Variants in ZBTB21 observed in about 807,000 individuals in gnomAD.
ZBTB21 encodes the protein zinc finger and BTB domain-containing protein 21.
In ZBTB21, 10 loss-of-function variants were observed where a neutral mutation model predicts 39.8. The ratio of observed to expected loss-of-function variants is 0.25; its 90% CI spans 0.16 to 0.43. The LOEUF is 0.43. Among genes scored for constraint, ZBTB21 ranks in the 20% least tolerant of loss-of-function variants. ZBTB21 has a pLI of 1.00. For missense variants in ZBTB21, 1,221 were observed against 1,296.3 expected, an observed-to-expected ratio of 0.94 and a Z score of 0.89; for synonymous variants, 551 against 498.8, an observed-to-expected ratio of 1.10 and a Z score of -1.40.
At position 41,992,725 on chromosome 21, in the gene ZBTB21, G is replaced by C; in HGVS notation, c.1371C>G (p.Ala457=). ...GGTCTCTTGTGACCGACGAAGATGA[G>C]GCAGCTGCTGTTGTTGCCGCATCTC... ...TVGDAATTAA[A]SSSSVTRDLS... is the part of the protein sequence containing the mutation. The change falls in exon 3 of 3, where the codon GCC becomes GCG. Residue 457 remains alanine (A), a synonymous_variant. Coordinates refer to ENST00000310826, the MANE Select transcript of ZBTB21 (RefSeq NM_001098402.2). This position sits in a 1 kb window ranked among gnomAD's most constrained non-coding sequence, Gnocchi z 4.1. 1 of 1,614,164 alleles carries C rather than the reference G, an allele frequency of 6.2e-7. No homozygotes were observed. The highest frequency in any genetic ancestry group is 1.1e-5 in the South Asian group (1 of 91,084).
Position 41,992,402 on chromosome 21 carries a change from A to C in ZBTB21, c.1694T>G (p.Val565Gly). 1 of 1,614,202 alleles carries C rather than the reference A, an allele frequency of 6.2e-7. No homozygotes were observed. Among genetic ancestry groups the C allele is most frequent in the Non-Finnish European group, 8.5e-7 (1 of 1,180,030 alleles). ...FRSTAGLHRH[V>G]NMYHNPEKPY... ...CTTTTCTGGGTTATGGTACATGTTA[A>C]CATGACGGTGAAGACCTGCTGTTGA... is the stretch of plus-strand genomic sequence containing the variant. Residue 565 changes from valine (V) to glycine (G), a missense_variant, in exon 3 of 3, where the codon GTT becomes GGT. Physicochemically the swap from Val to Gly is moderately radical, Grantham distance 109. Coordinates refer to ENST00000310826, the MANE Select transcript of ZBTB21 (RefSeq NM_001098402.2). This position sits in a 1 kb window ranked among gnomAD's most constrained non-coding sequence, Gnocchi z 4.1.
chr21:42,010,193 T>C (rs2065945010), intron 1 of ZBTB21, 59 bp downstream of exon 1: 2 of 394,728 alleles, frequency 5.1e-6, no homozygotes, highest in Admixed American at 4.4e-5. Flanking sequence ...GCGGGGAGGC[T>C]GTAGCCTCCC....
chr21:41,991,410 C>G lies in ZBTB21; in HGVS notation c.2686G>C (p.Ala896Pro). 2 of 1,609,676 alleles carry G rather than the reference C, an allele frequency of 1.2e-6. No homozygotes were observed. The highest frequency in any genetic ancestry group is 1.7e-6 in the Non-Finnish European group (2 of 1,178,260). ...TTGCTAGGACCCGCTTCTTTGGGGG[C>G]TGTGCTGGCCTCGGGTGCCTCTTCT... ...AEEEAPEAST[A>P]PKEAGPSKEA... is the part of the protein sequence containing the mutation. The change falls in exon 3 of 3, where the codon GCC becomes CCC. Residue 896 changes from alanine to proline, a missense_variant. Physicochemically the swap from Ala to Pro is conservative, Grantham distance 27. Transcript: ENST00000310826. The surrounding 1 kb of genome is among the most constrained non-coding windows in gnomAD (Gnocchi z 4.9).
chr21:42,007,620 A>G (rs548258562), intron 1 of ZBTB21, among the ~76,000 whole-genome samples: 110 of 152,304 alleles, frequency 7.2e-4, no homozygotes, highest in Middle Eastern at 3.4e-3. Context: ...AACTACCACA[A>G]TACTTCATCT....
At position 41,997,923 on chromosome 21, in the gene ZBTB21, A is replaced by G. The variant is rs137855149; in HGVS notation, c.-13-3815T>C. Among the ~76,000 whole-genome samples the G allele has an allele frequency of 2.5e-3, 376 of 151,882 alleles. 4 individuals carry two copies. Among genetic ancestry groups the G allele is most frequent in the African/African-American group, 8.7e-3 (361 of 41,410 alleles). On this transcript the variant is annotated intron_variant, in intron 2 of 2. Coordinates refer to ENST00000310826, the MANE Select transcript of ZBTB21 (RefSeq NM_001098402.2). ...TTCTGTTAGCCTCTCGGTGTGGCAG[A>G]TCCCTCACCTGAGTTAGGAATGACA...
At chr21:42,003,180 C>T (rs2065838364) in intron 1 of ZBTB21, among the ~76,000 whole-genome samples, 1 of 152,228 alleles carries the variant, frequency 6.6e-6, no homozygotes, top group African/African-American at 2.4e-5. Flanking sequence ...TTATGAAGGA[C>T]AGAAGAGGCA....
Position 41,991,090 on chromosome 21 carries a change from G to A in ZBTB21, c.3006C>T (p.Asp1002=), listed in dbSNP as rs770013148. The part of the protein sequence containing the change: ...PLPKIQPLEP[D]SPTGLSENPT... ...GGTTTTCGGACAGGCCTGTGGGGCT[G>A]TCAGGCTCCAGAGGCTGGATCTTGG... The change falls in exon 3 of 3, where the codon GAC becomes GAT. Residue 1002 remains aspartate (D), a synonymous_variant. Coordinates refer to ENST00000310826, the MANE Select transcript of ZBTB21 (RefSeq NM_001098402.2). This position sits in a 1 kb window ranked among gnomAD's most constrained non-coding sequence, Gnocchi z 4.9. The A allele has an allele frequency of 8.7e-6, 14 of 1,611,870 alleles. No homozygotes were observed. Among genetic ancestry groups the A allele is most frequent in the Non-Finnish European group, 1.2e-5 (14 of 1,178,908 alleles).
intron 2 of ZBTB21, among the ~76,000 whole-genome samples, chr21:42,000,455 A>G (rs1347261443): frequency 6.6e-6 from 1 of 152,068 alleles, no homozygotes; most frequent in African/African-American, 2.4e-5. Flanking sequence ...ACGGCTAACC[A>G]CTTCACACTA....
chr21:41,994,697 G>A (rs1371585911), intron 2 of ZBTB21, among the ~76,000 whole-genome samples: 1 of 152,168 alleles, frequency 6.6e-6, no homozygotes, highest in Non-Finnish European at 1.5e-5. Context: ...CTGGGCTCAA[G>A]CAATCCTCCC....
At chr21:42,002,615 C>T (rs1040054538) in intron 2 of ZBTB21, 4 of 152,208 alleles carry the variant, frequency 2.6e-5, no homozygotes, top group Admixed American at 2.0e-4. Flanking sequence ...TGCAGGTTTT[C>T]ATTATGAGTA....
At chr21:42,009,655 G>T in intron 1 of ZBTB21, 1 of 153,164 alleles carries the variant, frequency 6.5e-6, no homozygotes, top group South Asian at 1.8e-4. Flanking sequence ...GCCGGGGGCG[G>T]GGAGGGAGCG....
chr21:41,992,766 T>C lies in ZBTB21; in HGVS notation c.1330A>G (p.Ile444Val), dbSNP rs1601634294. 6.2e-7 allele frequency: 1 copy of C among 1,614,172 alleles called. No homozygotes were observed. Among genetic ancestry groups the C allele is most frequent in the East Asian group, 2.2e-5 (1 of 44,886 alleles). ...GCCGCATCTCCCACAGTGACGCGGATGATGTCCGAGGGGTCCGACAGCGGG... is the reference window on the plus strand; with the variant it reads ...GCCGCATCTCCCACAGTGACGCGGACGATGTCCGAGGGGTCCGACAGCGGG... ...SSPLSDPSDIIRVTVGDAATT... is the reference protein window; with the variant it reads ...SSPLSDPSDIVRVTVGDAATT... The change falls in exon 3 of 3, where the codon ATC becomes GTC. Residue 444 changes from isoleucine to valine, a missense_variant. Physicochemically the swap from Ile to Val is conservative, Grantham distance 29 (BLOSUM62 3). Coordinates refer to ENST00000310826, the MANE Select transcript of ZBTB21 (RefSeq NM_001098402.2). This position sits in a 1 kb window ranked among gnomAD's most constrained non-coding sequence, Gnocchi z 4.1.
At chr21:41,998,312 C>G (rs9975307) in intron 2 of ZBTB21, among the ~76,000 whole-genome samples, 23,640 of 151,844 alleles carry the variant, frequency 0.16, 2,402 homozygotes, top group Admixed American at 0.23. Flanking sequence ...CTGCCTCAGC[C>G]TCCTGAGTAG....
intron 1 of ZBTB21, among the ~76,000 whole-genome samples, chr21:42,004,751 G>A (rs1462907749): frequency 1.3e-5 from 2 of 152,126 alleles, no homozygotes; most frequent in African/African-American, 4.8e-5. Context: ...AAGAGGGAAT[G>A]CATGTAACAC....
Position 41,991,079 on chromosome 21 carries a change from C to A in ZBTB21, c.3017G>T (p.Gly1006Val). 6.2e-7 allele frequency: 1 copy of A among 1,609,950 alleles called. No homozygotes were observed. ...GGCTGGAGTTGGGTTTTCGGACAGG[C>A]CTGTGGGGCTGTCAGGCTCCAGAGG... The part of the protein sequence containing the change: ...IQPLEPDSPT[G>V]LSENPTPATE... Residue 1006 changes from glycine to valine, a missense_variant, in exon 3 of 3, where the codon GGC (glycine) becomes GTC (valine). Coordinates refer to ENST00000310826, the MANE Select transcript of ZBTB21 (RefSeq NM_001098402.2). This position sits in a 1 kb window ranked among gnomAD's most constrained non-coding sequence, Gnocchi z 4.9.
rs144240028 is a variant in ZBTB21, at chr21:41,991,139, G to A, written c.2957C>T (p.Pro986Leu). The stretch of plus-strand genomic sequence containing the variant: ...GGGCAGTGGTGGTGGCGGTGGCAGA[G>A]GTGGTGGAGAGGGAGAGTTTGTGGG... ...PVPTNSPSPP[P>L]LPPPPPLPKI... The change falls in exon 3 of 3, where the codon CCT becomes CTT. Residue 986 changes from proline to leucine, a missense_variant. Pro to Leu is a moderately conservative substitution (Grantham distance 98, BLOSUM62 -3). Coordinates refer to ENST00000310826, the MANE Select transcript of ZBTB21 (RefSeq NM_001098402.2). This position sits in a 1 kb window ranked among gnomAD's most constrained non-coding sequence, Gnocchi z 4.9. 9 of 1,613,996 alleles carry A rather than the reference G, an allele frequency of 5.6e-6. No individual in the cohort carries two copies. Among genetic ancestry groups the A allele is most frequent in the Non-Finnish European group, 7.6e-6 (9 of 1,179,986 alleles).
At chr21:42,000,986 G>A (rs2065810187) in intron 2 of ZBTB21, among the ~76,000 whole-genome samples, 1 of 152,098 alleles carries the variant, frequency 6.6e-6, no homozygotes, top group Non-Finnish European at 1.5e-5. Flanking sequence ...TAAAATTTGG[G>A]TGTTTATTCT....
chr21:41,992,782 C>T lies in ZBTB21; in HGVS notation c.1314G>A (p.Ser438=), dbSNP rs373668283. The T allele has an allele frequency of 1.1e-5, 17 of 1,614,034 alleles. No individual in the cohort carries two copies. The highest frequency in any genetic ancestry group is 6.6e-5 in the South Asian group (6 of 91,074). The change falls in exon 3 of 3, where the codon TCG becomes TCA. Residue 438 remains serine, a synonymous_variant. Coordinates refer to ENST00000310826, the MANE Select transcript of ZBTB21 (RefSeq NM_001098402.2). This position sits in a 1 kb window ranked among gnomAD's most constrained non-coding sequence, Gnocchi z 4.1. ...TGACGCGGATGATGTCCGAGGGGTC[C>T]GACAGCGGGCTGCTGGGCTCAGTCT... The part of the protein sequence containing the change: ...RIKTEPSSPL[S]DPSDIIRVTV...
At chr21:41,996,372 G>C (rs1215140981) in intron 2 of ZBTB21, among the ~76,000 whole-genome samples, 1 of 152,202 alleles carries the variant, frequency 6.6e-6, no homozygotes, top group Non-Finnish European at 1.5e-5. Flanking sequence ...GTGAGACATG[G>C]AGTCAAGGGA....
Sources: allele counts gnomAD v4.1 joint callset (sites outside exome capture counted in the v4.1 genomes callset), GRCh38; gene constraint gnomAD v4.1.1; non-coding constraint Gnocchi (gnomAD v3.1); transcripts MANE v1.5; gene names NCBI Gene and HGNC (gene_info 2026-07-23, HGNC 2026-07-21).